TENM3: variants seen among roughly 807,000 people sequenced by gnomAD.
TENM3 encodes teneurin-3.
Under a neutral mutation model 255.1 loss-of-function variants are expected in TENM3, and 63 were observed. That is an observed-to-expected ratio of 0.25 (90% CI 0.20 to 0.30). The LOEUF (loss-of-function observed/expected upper bound fraction) is 0.30. TENM3 is among the 10% of genes least tolerant of loss of function. The probability of loss-of-function intolerance (pLI) is 1.00; values close to 1 mark genes in which losing one functional copy is unlikely to be tolerated. For synonymous variants in TENM3, 1,306 were observed against 1,322.3 expected, an observed-to-expected ratio of 0.99 and a Z score of 0.27; for missense variants, 2,929 against 3,461.1, an observed-to-expected ratio of 0.85 and a Z score of 3.86.
intron 1 of TENM3, among the ~76,000 whole-genome samples, chr4:182,230,322 T>C (rs1756477871): frequency 6.6e-6 from 1 of 151,912 alleles, no homozygotes. Context: ...AAGTCTTAGG[T>C]CAGAAGAGAC....
the TENM3 span, among the ~76,000 whole-genome samples, chr4:181,695,925 CT>C: frequency 2.0e-3 from 295 of 144,016 alleles, no homozygotes; most frequent in East Asian, 5.5e-3. Context: ...AGAGGAAAGA[CT>C]TTTTTTTTTT....
the TENM3 span, among the ~76,000 whole-genome samples, chr4:181,557,963 A>C: frequency 1.3e-5 from 2 of 152,350 alleles, no homozygotes; most frequent in South Asian, 4.1e-4. Context: ...AAAGTGTTAC[A>C]TGTTCCTATG....
At position 182,688,332 on chromosome 4, in the gene TENM3, T is replaced by C. The variant is rs760795154; in HGVS notation, c.2202T>C (p.Asn734=). The change falls in exon 12 of 28, where the codon AAT becomes AAC. Residue 734 remains asparagine, a synonymous_variant. Coordinates refer to ENST00000511685, the MANE Select transcript of TENM3 (RefSeq NM_001080477.4). ...DGKCECSQGW[N]GEHCTIEGCP... ...AGTGTGAATGCAGCCAGGGCTGGAA[T>C]GGAGAGCACTGCACTATCGGTAGGC... is the stretch of plus-strand genomic sequence containing the variant. 6.2e-7 allele frequency: 1 copy of C among 1,612,940 alleles called. No homozygotes were observed.
At chr4:182,055,022 A>T in the TENM3 span, among the ~76,000 whole-genome samples, 1 of 152,172 alleles carries the variant, frequency 6.6e-6, no homozygotes, top group Non-Finnish European at 1.5e-5. Flanking sequence ...ACTGGCTCCC[A>T]GTTGGAAGTA....
chr4:182,284,450 G>T (rs868698778), intron 1 of TENM3, among the ~76,000 whole-genome samples: 1 of 152,126 alleles, frequency 6.6e-6, no homozygotes, highest in East Asian at 1.9e-4. Flanking sequence ...TCTGCGGATC[G>T]TACTGGTCAG....
chr4:182,187,542 C>G (rs1297288803), intron 1 of TENM3, among the ~76,000 whole-genome samples: 1 of 152,134 alleles, frequency 6.6e-6, no homozygotes, highest in Non-Finnish European at 1.5e-5. Flanking sequence ...TTGTGCCCCC[C>G]TCCCACCCGC....
the TENM3 span, among the ~76,000 whole-genome samples, chr4:182,126,321 A>T: frequency 6.6e-6 from 1 of 152,200 alleles, no homozygotes; most frequent in Non-Finnish European, 1.5e-5. Flanking sequence ...ACAAGGTCAC[A>T]CTTCTCCACC....
the TENM3 span, among the ~76,000 whole-genome samples, chr4:181,757,767 A>G: frequency 5.3e-5 from 8 of 152,322 alleles, no homozygotes; most frequent in East Asian, 1.5e-3. Context: ...CCGATGATTT[A>G]GAAGTTTCAT....
chr4:181,955,556 G>C, the TENM3 span, among the ~76,000 whole-genome samples: 8 of 152,196 alleles, frequency 5.3e-5, no homozygotes, highest in Non-Finnish European at 8.8e-5. Flanking sequence ...ATCATGGCAA[G>C]AAGGGGCCAG....
the TENM3 span, among the ~76,000 whole-genome samples, chr4:181,962,756 T>C: frequency 6.6e-6 from 1 of 152,228 alleles, no homozygotes; most frequent in African/African-American, 2.4e-5. Context: ...ATGCTTGAAG[T>C]AAGAGACACT....
chr4:181,694,443 C>A, the TENM3 span, among the ~76,000 whole-genome samples: 1 of 152,214 alleles, frequency 6.6e-6, no homozygotes, highest in African/African-American at 2.4e-5. Context: ...AAGGTGTTAA[C>A]AGGCTCGTTG....
chr4:182,161,160 T>C (rs1751126542), intron 1 of TENM3, among the ~76,000 whole-genome samples: 1 of 145,260 alleles, frequency 6.9e-6, no homozygotes, highest in Non-Finnish European at 1.5e-5. Flanking sequence ...CTCACGCCTG[T>C]AATCCCAGCA....
rs1580628993 is a variant in TENM3, at chr4:182,460,891, T to TA, written c.511+113963dup. 2.6e-5 allele frequency among the ~76,000 whole-genome samples: 4 copies of TA among 152,332 alleles called. No individual in the cohort carries two copies. The East Asian group carries it at 7.7e-4, about 29-fold the overall frequency. Reference sequence around the variant, plus strand: ...TTAACTGCAGTCTATTTTAGGAACTTACTAATTTCTTAAGGAAAATTAATT... The same window carrying TA: ...TTAACTGCAGTCTATTTTAGGAACTTAACTAATTTCTTAAGGAAAATTAATT... On this transcript the variant is annotated intron_variant, in intron 3 of 27. Coordinates refer to ENST00000511685, the MANE Select transcript of TENM3 (RefSeq NM_001080477.4).
At chr4:182,588,819 A>C (rs999858982) in intron 3 of TENM3, among the ~76,000 whole-genome samples, 8 of 152,234 alleles carry the variant, frequency 5.3e-5, no homozygotes, top group Admixed American at 2.0e-4. Context: ...AAGATAAACT[A>C]CTTTAACTAT....
chr4:182,526,480 G>A (rs1401501441), intron 3 of TENM3, among the ~76,000 whole-genome samples: 1 of 151,874 alleles, frequency 6.6e-6, no homozygotes, highest in Non-Finnish European at 1.5e-5. Flanking sequence ...TCCTTTAGTG[G>A]GACTCTATAC....
At chr4:181,447,968 GTC>G in the TENM3 span, among the ~76,000 whole-genome samples, 5 of 151,782 alleles carry the variant, frequency 3.3e-5, no homozygotes, top group Non-Finnish European at 7.4e-5. Context: ...ACATCTTGCT[GTC>G]TCTGTCTTTG....
At chr4:182,041,567 CTGA>C in the TENM3 span, among the ~76,000 whole-genome samples, 85 of 152,260 alleles carry the variant, frequency 5.6e-4, 1 homozygote, top group African/African-American at 1.8e-3. Flanking sequence ...TATAATACAG[CTGA>C]TAATTTTCAA....
chr4:182,177,357 C>A (rs1009188156), intron 1 of TENM3, among the ~76,000 whole-genome samples: 1 of 151,976 alleles, frequency 6.6e-6, no homozygotes, highest in Non-Finnish European at 1.5e-5. Context: ...TTCTTCTGCC[C>A]GGCTGCATTG....
chr4:181,765,818 G>A, the TENM3 span, among the ~76,000 whole-genome samples: 2 of 152,182 alleles, frequency 1.3e-5, no homozygotes, highest in African/African-American at 4.8e-5. Context: ...GAAAATAAAT[G>A]TTATCAATCC....
Sources: gnomAD v4.1 joint callset for allele counts (sites outside exome capture counted in the v4.1 genomes callset) on GRCh38, gnomAD v4.1.1 for gene constraint, MANE v1.5 for transcripts, NCBI Gene and HGNC (gene_info 2026-07-23, HGNC 2026-07-21) for gene names.